The following CFH variants were observed in gnomAD, a reference collection of about 807,000 sequenced individuals.
CFH encodes the protein H factor 1 (complement).
Under a neutral mutation model 147.3 loss-of-function variants are expected in CFH, and 53 were observed. The observed-to-expected ratio is 0.36, with a 90% CI of 0.29 to 0.45. The LOEUF is 0.45. Ranked by LOEUF, CFH falls within the 20% of genes least tolerant of loss-of-function variation. CFH has a pLI of 1.00. For missense variants in CFH, 1,380 were observed against 1,498.0 expected, an observed-to-expected ratio of 0.92 and a Z score of 1.30; for synonymous variants, 536 against 489.4, an observed-to-expected ratio of 1.10 and a Z score of -1.26.
intron 3 of CFH, 122 bp from the exon 4 acceptor site, chr1:196,675,864 CAAG>C (rs1409852309): frequency 8.6e-6 from 5 of 584,020 alleles, no homozygotes; most frequent in Non-Finnish European, 1.5e-5. Context: ...AAACAAGAAA[CAAG>C]AAAATGCATA....
chr1:196,682,528 A>C (rs1281268960), intron 6 of CFH, among the ~76,000 whole-genome samples: 1 of 151,296 alleles, frequency 6.6e-6, no homozygotes, highest in Non-Finnish European at 1.5e-5. Context: ...TCTTAGTTAA[A>C]CTCTTGTTTT....
At chr1:196,714,714 G>C (rs1668825594) in intron 10 of CFH, among the ~76,000 whole-genome samples, 1 of 132,688 alleles carries the variant, frequency 7.5e-6, no homozygotes, top group Admixed American at 7.8e-5. Context: ...GAGAGAGAGA[G>C]AGAGATGGAG....
intron 11 of CFH, among the ~76,000 whole-genome samples, 179 bp downstream of exon 11, chr1:196,715,948 A>T (rs1274345705): frequency 6.6e-6 from 1 of 152,126 alleles, no homozygotes; most frequent in African/African-American, 2.4e-5. Context: ...AAAGTAGTGC[A>T]TTAAATTAAT....
chr1:196,694,897 G>C (rs902652822), intron 9 of CFH, among the ~76,000 whole-genome samples: 1 of 152,152 alleles, frequency 6.6e-6, no homozygotes, highest in Admixed American at 6.5e-5. Context: ...GTAGATTCTT[G>C]ATATTAGACC....
chr1:196,740,928 T>C lies in CFH; in HGVS notation c.2956+136T>C, dbSNP rs1573080167. On this transcript the variant is annotated intron_variant, in intron 18 of 21. Transcript: ENST00000367429. ...GAATATTCTGGACTGCTGTGGGAAATTATAGCTGTAGTAATTAAAACATTT... is the reference window on the plus strand; with the variant it reads ...GAATATTCTGGACTGCTGTGGGAAACTATAGCTGTAGTAATTAAAACATTT... 2.5e-5 allele frequency: 22 copies of C among 876,602 alleles called. No homozygotes were observed. In the East Asian group the frequency reaches 5.8e-4, roughly 23 times the overall value. The allele number at this position is 876,602 out of a possible 1,614,324, so 54.3% of individuals were successfully genotyped here.
intron 11 of CFH, among the ~76,000 whole-genome samples, chr1:196,717,695 A>G (rs897082011): frequency 2.6e-5 from 4 of 152,150 alleles, no homozygotes; most frequent in African/African-American, 7.2e-5. Flanking sequence ...TAATTAAAAG[A>G]AAAAAGATGG....
rs189870344 is a variant in CFH at position 196,739,755 on chromosome 1, T to G, written c.2783-864T>G. Among the ~76,000 whole-genome samples the G allele has an allele frequency of 1.4e-4, 21 of 152,302 alleles. No homozygotes were observed. The East Asian group carries it at 3.9e-3, about 28-fold the overall frequency. ...CCAAATGGTTCTAACCCCTGCCTGTTATCCAGTTCCAAAGCTGCTTCCACA... is the reference window on the plus strand; with the variant it reads ...CCAAATGGTTCTAACCCCTGCCTGTGATCCAGTTCCAAAGCTGCTTCCACA... On this transcript the variant is annotated intron_variant, in intron 17 of 21. Transcript: ENST00000367429.
intron 1 of CFH, among the ~76,000 whole-genome samples, chr1:196,668,211 C>A (rs1667161876): frequency 6.6e-6 from 1 of 152,104 alleles, no homozygotes; most frequent in African/African-American, 2.4e-5. Context: ...TCCTTCAGCC[C>A]AGAGAACTTT....
chr1:196,726,008 G>A (rs901223267), intron 12 of CFH, among the ~76,000 whole-genome samples: 2 of 152,158 alleles, frequency 1.3e-5, no homozygotes, highest in Non-Finnish European at 2.9e-5. Flanking sequence ...ATCCATTCTG[G>A]ACATTTTATA....
chr1:196,677,740 T>G (rs2149080907), intron 5 of CFH, 73 bp downstream of exon 5: 1 of 1,380,834 alleles, frequency 7.2e-7, no homozygotes, highest in Admixed American at 1.7e-5. Flanking sequence ...TCGTTCATTC[T>G]AAGGAATATC....
At chr1:196,739,673 C>T (rs1652735581) in intron 17 of CFH, among the ~76,000 whole-genome samples, 2 of 152,160 alleles carry the variant, frequency 1.3e-5, no homozygotes, top group African/African-American at 4.8e-5. Context: ...TCTGAGCCGT[C>T]CAACTCCCTA....
chr1:196,690,433 T>C (rs1244270550), intron 9 of CFH, 194 bp downstream of exon 9: 2 of 732,138 alleles, frequency 2.7e-6, no homozygotes, highest in Admixed American at 4.4e-5. Context: ...CATAGTAAAA[T>C]AAATTCTCCT....
intron 9 of CFH, among the ~76,000 whole-genome samples, chr1:196,703,876 C>A (rs112005340): frequency 0.011 from 1,603 of 142,782 alleles, 18 homozygotes; most frequent in Non-Finnish European, 0.015. Context: ...CCCAGCTACT[C>A]GGGAGGCTGA....
At chr1:196,689,764 C>A in intron 8 of CFH, 150 bp downstream of exon 8, 1 of 867,134 alleles carries the variant, frequency 1.2e-6, no homozygotes, top group Non-Finnish European at 1.8e-6. Context: ...TAGATCTTTT[C>A]TATTATGAGG....
chr1:196,664,585 C>G (rs1667015114), intron 1 of CFH, among the ~76,000 whole-genome samples: 1 of 152,122 alleles, frequency 6.6e-6, no homozygotes, highest in Non-Finnish European at 1.5e-5. Context: ...ATTTACAAAA[C>G]AAGCAGCGAT....
At chr1:196,745,097 AT>A (rs1184859961) in intron 20 of CFH, among the ~76,000 whole-genome samples, 2 of 151,988 alleles carry the variant, frequency 1.3e-5, no homozygotes, top group Non-Finnish European at 2.9e-5. Context: ...CTTTCAAGGT[AT>A]TTTTTTCTTT....
chr1:196,655,660 C>T (rs71631860), intron 1 of CFH, among the ~76,000 whole-genome samples: 1 of 152,084 alleles, frequency 6.6e-6, no homozygotes, highest in Non-Finnish European at 1.5e-5. Context: ...GTTATGCCTT[C>T]TCCTCCTCCC....
chr1:196,710,594 A>G (rs1668703263), intron 9 of CFH, among the ~76,000 whole-genome samples: 1 of 151,936 alleles, frequency 6.6e-6, no homozygotes, highest in Non-Finnish European at 1.5e-5. Context: ...TAGCCCCTTT[A>G]CCTTTCCATA....
intron 1 of CFH, among the ~76,000 whole-genome samples, chr1:196,669,442 T>G (rs1318067801): frequency 6.6e-6 from 1 of 152,040 alleles, no homozygotes; most frequent in Non-Finnish European, 1.5e-5. Context: ...GAAGGAAAAA[T>G]GGTTTTGCAG....
Sources: allele counts gnomAD v4.1 joint callset (sites outside exome capture counted in the v4.1 genomes callset), GRCh38; gene constraint gnomAD v4.1.1; transcripts MANE v1.5; gene names NCBI Gene and HGNC (gene_info 2026-07-23, HGNC 2026-07-21).